TMEM132D: variants seen among roughly 807,000 people sequenced by gnomAD.
TMEM132D encodes the protein transmembrane protein 132D, also known as mature OL transmembrane protein.
TMEM132D carries 21 observed loss-of-function variants against 62.3 expected under a neutral mutation model. That is an observed-to-expected ratio of 0.34 (90% CI 0.24 to 0.49). TMEM132D has a LOEUF of 0.49. TMEM132D is among the 20% of genes least tolerant of loss of function. TMEM132D has a pLI of 0.99. For missense variants in TMEM132D, 1,346 were observed against 1,402.8 expected (o/e 0.96, Z 0.65); for synonymous variants, 621 against 575.6 (o/e 1.08, Z -1.13).
intron 3 of TMEM132D, among the ~76,000 whole-genome samples, chr12:129,384,341 T>C (rs1008121409): frequency 3.9e-5 from 6 of 152,140 alleles, no homozygotes; most frequent in African/African-American, 1.4e-4. Flanking sequence ...CACCACGCTG[T>C]CCGAGGTAAA....
At chr12:129,894,525 A>G (rs1246336977) in intron 1 of TMEM132D, among the ~76,000 whole-genome samples, 1 of 152,102 alleles carries the variant, frequency 6.6e-6, no homozygotes, top group African/African-American at 2.4e-5. Context: ...AATCAGCACA[A>G]CTCTGGACTC....
At chr12:129,803,617 A>T (rs1871872720) in intron 1 of TMEM132D, among the ~76,000 whole-genome samples, 2 of 150,404 alleles carry the variant, frequency 1.3e-5, no homozygotes, top group South Asian at 4.2e-4. Flanking sequence ...CCCTAACATC[A>T]CAATTAAAAG....
intron 2 of TMEM132D, among the ~76,000 whole-genome samples, chr12:129,542,579 G>C (rs1441374710): frequency 6.6e-6 from 1 of 152,102 alleles, no homozygotes; most frequent in Admixed American, 6.6e-5. Context: ...TCAAACTTCT[G>C]AGTTTAGTGG....
At position 129,203,756 on chromosome 12, in the gene TMEM132D, G is replaced by A. The variant is rs564835607; in HGVS notation, c.1443+5764C>T. ...TTCTGCCTGAGCTCTAAGGACAGGC[G>A]GGCACAACCCCATATTTCCCCAGGG... is the stretch of plus-strand genomic sequence containing the variant. On this transcript the variant is annotated intron_variant, in intron 5 of 8. Transcript: ENST00000422113. Among the ~76,000 whole-genome samples the A allele has an allele frequency of 6.6e-5, 10 of 152,334 alleles. No homozygotes were observed. In the South Asian group the frequency reaches 1.0e-3, roughly 16 times the overall value.
intron 2 of TMEM132D, among the ~76,000 whole-genome samples, chr12:129,674,667 G>T (rs1277647257): frequency 1.3e-5 from 2 of 152,094 alleles, no homozygotes; most frequent in African/African-American, 4.8e-5. Flanking sequence ...AGCCTCCCAA[G>T]TAGCTGGGAT....
At chr12:129,377,729 G>A (rs1282852127) in intron 3 of TMEM132D, among the ~76,000 whole-genome samples, 1 of 152,168 alleles carries the variant, frequency 6.6e-6, no homozygotes, top group African/African-American at 2.4e-5. Context: ...TCTTTTGTCT[G>A]TTGAGTATTT....
At chr12:129,224,673 G>A (rs1185354748) in intron 4 of TMEM132D, among the ~76,000 whole-genome samples, 1 of 152,100 alleles carries the variant, frequency 6.6e-6, no homozygotes, top group Non-Finnish European at 1.5e-5. Flanking sequence ...TTTGGACGTC[G>A]AGGCAGCAGA....
At chr12:129,781,749 C>T (rs943093435) in intron 1 of TMEM132D, among the ~76,000 whole-genome samples, 16 of 152,214 alleles carry the variant, frequency 1.1e-4, no homozygotes, top group African/African-American at 3.6e-4. Context: ...ACATTGGCAA[C>T]AGCTTCATTG....
intron 5 of TMEM132D, among the ~76,000 whole-genome samples, chr12:129,095,759 GC>G (rs1180515355): frequency 6.6e-6 from 1 of 152,214 alleles, no homozygotes; most frequent in African/African-American, 2.4e-5. Flanking sequence ...AGAAGCAGCT[GC>G]CCCCAGGCCA....
At chr12:129,360,844 T>G (rs1220575390) in intron 3 of TMEM132D, among the ~76,000 whole-genome samples, 2 of 152,220 alleles carry the variant, frequency 1.3e-5, no homozygotes, top group Non-Finnish European at 2.9e-5. Context: ...GGCTTTTTCC[T>G]GCCTTGCCCT....
chr12:129,769,328 G>A (rs1870653857), intron 1 of TMEM132D, among the ~76,000 whole-genome samples: 1 of 152,164 alleles, frequency 6.6e-6, no homozygotes, highest in Non-Finnish European at 1.5e-5. Flanking sequence ...CATGGCAGCA[G>A]GCAAGAGAGA....
intron 3 of TMEM132D, among the ~76,000 whole-genome samples, chr12:129,480,361 G>C (rs1566083423): frequency 6.6e-6 from 1 of 152,248 alleles, no homozygotes; most frequent in Non-Finnish European, 1.5e-5. Flanking sequence ...AATCATTGAG[G>C]TCTGGAGCAG....
intron 3 of TMEM132D, among the ~76,000 whole-genome samples, chr12:129,350,845 G>A: frequency 6.6e-6 from 1 of 152,150 alleles, no homozygotes; most frequent in South Asian, 2.1e-4. Context: ...AAAGAGACAA[G>A]AAGGCACCTT....
chr12:129,125,796 C>G (rs1414272063), intron 5 of TMEM132D, among the ~76,000 whole-genome samples: 1 of 152,056 alleles, frequency 6.6e-6, no homozygotes, highest in Non-Finnish European at 1.5e-5. Flanking sequence ...AATACTCACT[C>G]TTGACTCTGT....
intron 1 of TMEM132D, among the ~76,000 whole-genome samples, chr12:129,795,619 C>CA (rs1430528650): frequency 6.6e-6 from 1 of 152,162 alleles, no homozygotes; most frequent in African/African-American, 2.4e-5. Context: ...TGGACGGAGA[C>CA]AGACACCGTG....
intron 1 of TMEM132D, among the ~76,000 whole-genome samples, chr12:129,708,626 AAAAAACACAC>A (rs1881561497): frequency 1.1e-5 from 1 of 88,908 alleles, no homozygotes; most frequent in African/African-American, 4.5e-5. Flanking sequence ...AAAAAAAAAA[AAAAAACACAC>A]ACACACACAC....
intron 2 of TMEM132D, among the ~76,000 whole-genome samples, chr12:129,582,900 T>C (rs1006279014): frequency 4.6e-5 from 7 of 151,686 alleles, no homozygotes; most frequent in Admixed American, 1.3e-4. Flanking sequence ...GCTGGGATTA[T>C]AGGCATTAGC....
At chr12:129,321,788 T>G (rs1413938838) in intron 4 of TMEM132D, among the ~76,000 whole-genome samples, 1 of 152,178 alleles carries the variant, frequency 6.6e-6, no homozygotes, top group Non-Finnish European at 1.5e-5. Flanking sequence ...CTCGATCTCC[T>G]GACCTCGTGA....
rs192909712 is a variant in TMEM132D, at chr12:129,516,471, C to T, written c.1115+14588G>A. Among the ~76,000 whole-genome samples the T allele has an allele frequency of 3.1e-3, 467 of 152,266 alleles. 3 individuals are homozygous for T. Among genetic ancestry groups the T allele is most frequent in the East Asian group, 6.6e-3 (34 of 5,170 alleles). ...CAATCATGGCAGAAGGTGAAAGGCA[C>T]ATCTTACATGGTGGCAGACAGGAGA... On this transcript the variant is annotated intron_variant, in intron 3 of 8. Transcript: ENST00000422113.
Sources: gnomAD v4.1 joint callset for allele counts (sites outside exome capture counted in the v4.1 genomes callset) on GRCh38, gnomAD v4.1.1 for gene constraint, MANE v1.5 for transcripts, NCBI Gene and HGNC (gene_info 2026-07-23, HGNC 2026-07-21) for gene names.